Variants in SENP5 observed in about 807,000 individuals in gnomAD.
SENP5 encodes sentrin-specific protease 5.
Under a neutral mutation model 74.2 loss-of-function variants are expected in SENP5, and 21 were observed. The ratio of observed to expected loss-of-function variants is 0.28; its 90% CI spans 0.20 to 0.41. The LOEUF is 0.41. SENP5 is among the 10% of genes least tolerant of loss of function. SENP5 has a pLI of 1.00. For synonymous variants in SENP5, 311 were observed against 312.7 expected (o/e 0.99, Z 0.06); for missense variants, 717 against 889.1 (o/e 0.81, Z 2.46).
intron 1 of SENP5, among the ~76,000 whole-genome samples, chr3:196,882,072 T>G (rs962470940): frequency 6.6e-6 from 1 of 151,758 alleles, no homozygotes; most frequent in African/African-American, 2.4e-5. Flanking sequence ...AATTTTTTTG[T>G]ATTTTTAGTA....
chr3:196,902,792 G>A (rs1469350470), intron 5 of SENP5, among the ~76,000 whole-genome samples: 2 of 152,230 alleles, frequency 1.3e-5, no homozygotes, highest in African/African-American at 4.8e-5. Flanking sequence ...TGTACAGCCA[G>A]GGTAATTCTG....
chr3:196,910,257 A>G (rs1715065843), intron 6 of SENP5, among the ~76,000 whole-genome samples: 1 of 152,020 alleles, frequency 6.6e-6, no homozygotes, highest in Non-Finnish European at 1.5e-5. Flanking sequence ...GAGAGGACAC[A>G]AACAAATGGA....
chr3:196,889,378 G>A (rs7643566), intron 2 of SENP5, among the ~76,000 whole-genome samples: 29,298 of 152,048 alleles, frequency 0.19, 3,723 homozygotes, highest in South Asian at 0.37. Context: ...GAATATGCAC[G>A]TAGTAAAACC....
intron 1 of SENP5, among the ~76,000 whole-genome samples, chr3:196,869,814 C>T (rs1365886485): frequency 3.0e-5 from 4 of 135,450 alleles, no homozygotes; most frequent in South Asian, 4.7e-4. Flanking sequence ...TGAGTCACTG[C>T]GCCTGGGCTA....
rs374593433 is a variant in SENP5, at chr3:196,908,275, G to A, written c.1884+4665G>A. Among the ~76,000 whole-genome samples, 309 of 152,056 alleles carry A rather than the reference G, an allele frequency of 2.0e-3. 2 individuals are homozygous for A. The highest frequency in any genetic ancestry group is 7.3e-3 in the African/African-American group (301 of 41,484). ...TGCCTGGGTGACAGACTGAGACCTT[G>A]TCTCAATTTAAAACAAATAAAAAAG... is the stretch of plus-strand genomic sequence containing the variant. On this transcript the variant is annotated intron_variant, in intron 6 of 9. Coordinates refer to ENST00000323460, the MANE Select transcript of SENP5 (RefSeq NM_152699.5).
At position 196,934,231 on chromosome 3, in the gene SENP5, G is replaced by A. The variant is rs897447861; in HGVS notation, c.*3308G>A. 2 of 152,180 alleles carry A rather than the reference G, an allele frequency of 1.3e-5. No homozygotes were observed. The highest frequency in any genetic ancestry group is 4.8e-5 in the African/African-American group (2 of 41,434). The allele number at this position is 152,180 out of a possible 1,614,324, so 9.4% of individuals were successfully genotyped here. On this transcript the variant is annotated 3_prime_UTR_variant, in exon 10 of 10. Transcript: ENST00000323460. ...CTGAATCTGAGTAACAGTCATCCTG[G>A]ATTTATAGTTGGAACAGAACAGTAA...
chr3:196,882,497 C>T (rs1713768736), intron 1 of SENP5, among the ~76,000 whole-genome samples: 1 of 151,838 alleles, frequency 6.6e-6, no homozygotes, highest in Non-Finnish European at 1.5e-5. Flanking sequence ...TCTTGGTCAT[C>T]CTTTATTTTT....
At chr3:196,918,592 G>A (rs1715483616) in intron 6 of SENP5, among the ~76,000 whole-genome samples, 1 of 151,848 alleles carries the variant, frequency 6.6e-6, no homozygotes, top group South Asian at 2.1e-4. Flanking sequence ...AAAGAAGGAA[G>A]GGAGGAAGGG....
rs10709079 is a variant in SENP5, at chr3:196,899,078, CAA to C, written c.1514-571_1514-570del. Among the ~76,000 whole-genome samples the C allele has an allele frequency of 2.5e-3, 269 of 108,150 alleles. 2 individuals carry two copies. The highest frequency in any genetic ancestry group is 6.9e-3 in the African/African-American group (203 of 29,392). The allele number at this position is 108,150 out of a possible 152,430, so 71.0% of individuals were successfully genotyped here. ...TGGGCAACAGAGCGAGACGCCATCT[CAA>C]AAAAAAAAAAAAAAAAGTGCCTCAC... On this transcript the variant is annotated intron_variant, in intron 2 of 9. Transcript: ENST00000323460.
chr3:196,896,028 T>C (rs575491283), intron 2 of SENP5, among the ~76,000 whole-genome samples: 6 of 152,194 alleles, frequency 3.9e-5, no homozygotes, highest in Non-Finnish European at 8.8e-5. Context: ...TTTCCTTTTT[T>C]AGTTGATCAG....
chr3:196,886,734 C>T (rs939275980), intron 2 of SENP5, 40 bp downstream of exon 2: 27 of 1,466,942 alleles, frequency 1.8e-5, no homozygotes, highest in South Asian at 2.7e-5. Context: ...ACTCCAAGCT[C>T]ACATTTGCTG....
intron 6 of SENP5, among the ~76,000 whole-genome samples, chr3:196,922,109 G>A (rs1255487275): frequency 6.6e-6 from 1 of 152,174 alleles, no homozygotes; most frequent in East Asian, 1.9e-4. Context: ...TTTGACATTT[G>A]AGAGACCCAA....
intron 2 of SENP5, among the ~76,000 whole-genome samples, chr3:196,887,888 C>T (rs1230536508): frequency 6.6e-6 from 1 of 152,138 alleles, no homozygotes; most frequent in Admixed American, 6.5e-5. Context: ...CTGCCTCAGC[C>T]TCCCAAGTAG....
chr3:196,915,364 T>G (rs1048208298), intron 6 of SENP5, among the ~76,000 whole-genome samples: 6 of 152,146 alleles, frequency 3.9e-5, no homozygotes, highest in Non-Finnish European at 7.3e-5. Context: ...TCTTGCAACT[T>G]GAGCACTAGC....
Position 196,927,876 on chromosome 3 carries a change from G to A in SENP5, c.2103G>A (p.Thr701=), listed in dbSNP as rs758207862. ...EFLQGWQTAV[T]KCIPQQKNDS... is the part of the protein sequence containing the mutation. ...TTCAGGGTTGGCAGACTGCTGTTAC[G>A]AAGGTAAGTATGTGATAACAATGAA... Residue 701 remains threonine (T), a synonymous_variant, in exon 8 of 10, where the codon ACG becomes ACA. Transcript: ENST00000323460. The A allele has an allele frequency of 6.2e-6, 10 of 1,602,094 alleles. No homozygotes were observed. The highest frequency in any genetic ancestry group is 4.5e-5 in the East Asian group (2 of 44,844).
At chr3:196,914,316 A>G (rs2108852117) in intron 6 of SENP5, 1 of 152,108 alleles carries the variant, frequency 6.6e-6, no homozygotes, top group Non-Finnish European at 1.5e-5. Flanking sequence ...TTGGTCATTC[A>G]TGCATTAGAT....
chr3:196,884,441 G>A (rs1577800351), intron 1 of SENP5, among the ~76,000 whole-genome samples: 1 of 152,142 alleles, frequency 6.6e-6, no homozygotes, highest in African/African-American at 2.4e-5. Flanking sequence ...TAATATTAGC[G>A]AAGGCTCTTT....
intron 9 of SENP5, among the ~76,000 whole-genome samples, chr3:196,930,485 G>A (rs1296015525): frequency 6.6e-6 from 1 of 152,128 alleles, no homozygotes; most frequent in Non-Finnish European, 1.5e-5. Context: ...GCCTTAGATC[G>A]GGGTCCCAAA....
intron 1 of SENP5, among the ~76,000 whole-genome samples, chr3:196,873,253 A>G (rs1713296265): frequency 6.6e-6 from 1 of 151,592 alleles, no homozygotes; most frequent in South Asian, 2.1e-4. Context: ...TTTGTATTTT[A>G]GTAGAGACGG....
Sources: gnomAD v4.1 joint callset for allele counts (sites outside exome capture counted in the v4.1 genomes callset) on GRCh38, gnomAD v4.1.1 for gene constraint, MANE v1.5 for transcripts, NCBI Gene and HGNC (gene_info 2026-07-23, HGNC 2026-07-21) for gene names.